Variants in EYS observed in about 807,000 individuals in gnomAD.
EYS encodes protein eyes shut homolog.
Under a neutral mutation model 282.1 loss-of-function variants are expected in EYS, and 250 were observed. The observed-to-expected ratio is 0.89, with a 90% CI of 0.80 to 0.98. The LOEUF (loss-of-function observed/expected upper bound fraction) is 0.98, where lower values mean the gene tolerates loss of function less well. Among genes scored for constraint, EYS ranks in the 50% least tolerant of loss-of-function variants. The pLI is 0.00. For missense variants in EYS, 4,016 were observed against 3,709.0 expected, an observed-to-expected ratio of 1.08 and a Z score of -2.15; for synonymous variants, 1,355 against 1,282.9, an observed-to-expected ratio of 1.06 and a Z score of -1.20.
At chr6:65,445,714 T>C (rs1037455753) in intron 5 of EYS, among the ~76,000 whole-genome samples, 9 of 151,912 alleles carry the variant, frequency 5.9e-5, no homozygotes, top group African/African-American at 2.2e-4. Context: ...TATTTGCCTT[T>C]ATATAGAAAT....
chr6:64,380,972 G>A (rs1247443124), intron 29 of EYS, among the ~76,000 whole-genome samples: 7 of 149,878 alleles, frequency 4.7e-5, no homozygotes, highest in South Asian at 2.1e-4. Context: ...CCGAGAAATC[G>A]TGCCACTGCA....
chr6:64,832,026 T>C, intron 19 of EYS, among the ~76,000 whole-genome samples: 1 of 151,852 alleles, frequency 6.6e-6, no homozygotes, highest in East Asian at 1.9e-4. Flanking sequence ...AACAGGCATA[T>C]GAGGATTGAT....
chr6:64,880,921 A>G lies in EYS; in HGVS notation c.2992+5776T>C, dbSNP rs75278653. On this transcript the variant is annotated intron_variant, in intron 19 of 42. Coordinates refer to ENST00000503581, the MANE Select transcript of EYS (RefSeq NM_001142800.2). ...TTTATATATTATGTGTGTGTATAATATATAAAATAAATGTGAATAAATTTT... is the reference window on the plus strand; with the variant it reads ...TTTATATATTATGTGTGTGTATAATGTATAAAATAAATGTGAATAAATTTT... Among the ~76,000 whole-genome samples the G allele has an allele frequency of 5.3e-5, 8 of 151,398 alleles. No homozygotes were observed. The East Asian group carries it at 1.6e-3, about 29-fold the overall frequency.
intron 26 of EYS, among the ~76,000 whole-genome samples, chr6:64,547,019 G>A (rs1281332897): frequency 6.6e-6 from 1 of 152,160 alleles, no homozygotes; most frequent in Non-Finnish European, 1.5e-5. Flanking sequence ...AAGGTGGCAT[G>A]TCTGGAGTTT....
At chr6:64,300,111 TG>T (rs1769181379) in intron 30 of EYS, among the ~76,000 whole-genome samples, 1 of 152,156 alleles carries the variant, frequency 6.6e-6, no homozygotes, top group Admixed American at 6.5e-5. Flanking sequence ...TACCTGGTAA[TG>T]CAAGATCAAC....
chr6:65,116,782 G>A (rs1775387822), intron 12 of EYS, among the ~76,000 whole-genome samples: 1 of 152,150 alleles, frequency 6.6e-6, no homozygotes, highest in Non-Finnish European at 1.5e-5. Flanking sequence ...AAGCAGAATA[G>A]GGTTTGTGAC....
chr6:64,408,202 A>G (rs1453319947), intron 28 of EYS, among the ~76,000 whole-genome samples: 1 of 152,008 alleles, frequency 6.6e-6, no homozygotes, highest in African/African-American at 2.4e-5. Context: ...ATAATAAATA[A>G]TGAGTAATAA....
At chr6:63,757,794 A>G (rs956393415) in intron 41 of EYS, among the ~76,000 whole-genome samples, 2 of 152,204 alleles carry the variant, frequency 1.3e-5, no homozygotes, top group Admixed American at 1.3e-4. Context: ...GAAGGACACT[A>G]TTTTATACTG....
Position 64,477,213 on chromosome 6 carries a change from T to C in EYS, c.5645-37861A>G, listed in dbSNP as rs1291120094. Among the ~76,000 whole-genome samples, 3 of 152,164 alleles carry C rather than the reference T, an allele frequency of 2.0e-5. No homozygotes were observed. The East Asian group carries it at 5.8e-4, about 29-fold the overall frequency. On this transcript the variant is annotated intron_variant, in intron 26 of 42. Coordinates refer to ENST00000503581, the MANE Select transcript of EYS (RefSeq NM_001142800.2). ...CAATGAAAAATAATGTTTTCTTCTCTTGCCACCACCTACAGATTTAATGCT... is the reference window on the plus strand; with the variant it reads ...CAATGAAAAATAATGTTTTCTTCTCCTGCCACCACCTACAGATTTAATGCT...
At chr6:64,242,876 T>C (rs1460399779) in intron 30 of EYS, among the ~76,000 whole-genome samples, 1 of 146,962 alleles carries the variant, frequency 6.8e-6, no homozygotes, top group Non-Finnish European at 1.5e-5. Context: ...TATAAATATA[T>C]AATCATATTA....
intron 40 of EYS, among the ~76,000 whole-genome samples, chr6:63,769,082 G>T (rs1769868388): frequency 6.6e-6 from 1 of 152,044 alleles, no homozygotes; most frequent in Non-Finnish European, 1.5e-5. Flanking sequence ...GATGTAGGAA[G>T]GTGGGAGGGA....
intron 15 of EYS, among the ~76,000 whole-genome samples, chr6:64,931,737 C>G (rs557801617): frequency 6.6e-6 from 1 of 151,988 alleles, no homozygotes; most frequent in Non-Finnish European, 1.5e-5. Flanking sequence ...ATCACCATAA[C>G]CCTGAGACAT....
intron 26 of EYS, among the ~76,000 whole-genome samples, chr6:64,566,634 T>C (rs1346537965): frequency 6.6e-6 from 1 of 152,168 alleles, no homozygotes; most frequent in East Asian, 1.9e-4. Context: ...TATTTTATGC[T>C]TTACACCAGT....
At chr6:64,755,218 C>T (rs910084916) in intron 22 of EYS, among the ~76,000 whole-genome samples, 5 of 151,968 alleles carry the variant, frequency 3.3e-5, no homozygotes, top group Admixed American at 2.0e-4. Flanking sequence ...GGAAAATGTT[C>T]TATGAATACA....
rs2149869044 is a variant in EYS at position 64,081,944 on chromosome 6, C to T, written c.6483G>A (p.Leu2161=). ...TATGTTCCTTCTCCAGGACAAACTT[C>T]AAAAAGGGCAGTTCTAAATAGGAAT... ...NGNSYLELPF[L]KFVLEKEHNR... Residue 2161 remains leucine, a synonymous_variant, in exon 32 of 43, where the codon TTG becomes TTA. Transcript: ENST00000503581. 2 of 1,544,814 alleles carry T rather than the reference C, an allele frequency of 1.3e-6. No individual in the cohort carries two copies. Among genetic ancestry groups the T allele is most frequent in the Non-Finnish European group, 1.8e-6 (2 of 1,141,884 alleles).
chr6:64,149,134 T>A (rs1774618897), intron 31 of EYS, among the ~76,000 whole-genome samples: 1 of 152,188 alleles, frequency 6.6e-6, no homozygotes, highest in South Asian at 2.1e-4. Context: ...GCTGCTTAGT[T>A]ACTTTTTGCA....
chr6:64,463,033 G>A (rs941567535), intron 26 of EYS, among the ~76,000 whole-genome samples: 10 of 143,702 alleles, frequency 7.0e-5, no homozygotes, highest in Admixed American at 1.5e-4. Flanking sequence ...TGCAAGCTTC[G>A]CCTCCCAGGT....
At chr6:65,697,210 A>T (rs545628238) in intron 1 of EYS, among the ~76,000 whole-genome samples, 35 of 152,204 alleles carry the variant, frequency 2.3e-4, no homozygotes, top group Admixed American at 1.7e-3. Context: ...GATATAGATT[A>T]AAAAGTCAAT....
At chr6:65,375,157 C>G (rs1344891866) in intron 8 of EYS, among the ~76,000 whole-genome samples, 3 of 152,100 alleles carry the variant, frequency 2.0e-5, no homozygotes, top group African/African-American at 7.2e-5. Context: ...CTGGTGGGTG[C>G]CCCTCTGGGA....
Sources: gnomAD v4.1 joint callset for allele counts (sites outside exome capture counted in the v4.1 genomes callset) on GRCh38, gnomAD v4.1.1 for gene constraint, MANE v1.5 for transcripts, NCBI Gene and HGNC (gene_info 2026-07-23, HGNC 2026-07-21) for gene names.